KCNT2: variants seen among roughly 807,000 people sequenced by gnomAD.
KCNT2 encodes potassium channel subfamily T member 2.
Under a neutral mutation model 153.8 loss-of-function variants are expected in KCNT2, and 67 were observed. That is an observed-to-expected ratio of 0.44 (90% CI 0.36 to 0.53). KCNT2 has a LOEUF of 0.53. Ranked by LOEUF, KCNT2 falls within the 20% of genes least tolerant of loss-of-function variation. The pLI, the probability that KCNT2 is intolerant of heterozygous loss-of-function variation, is 0.00. For missense variants in KCNT2, 975 were observed against 1,354.8 expected, an observed-to-expected ratio of 0.72 and a Z score of 4.40; for synonymous variants, 500 against 458.8, an observed-to-expected ratio of 1.09 and a Z score of -1.15.
At chr1:196,515,307 C>T (rs1681957743) in intron 1 of KCNT2, among the ~76,000 whole-genome samples, 1 of 152,156 alleles carries the variant, frequency 6.6e-6, no homozygotes, top group African/African-American at 2.4e-5. Flanking sequence ...AGTCTTTCAA[C>T]TCCAGATATA....
At chr1:196,462,579 T>C (rs1167697995) in intron 8 of KCNT2, among the ~76,000 whole-genome samples, 1 of 151,634 alleles carries the variant, frequency 6.6e-6, no homozygotes. Flanking sequence ...TCATCTTTTA[T>C]AAAGAAGGCA....
chr1:196,412,125 A>G (rs1672390110), intron 12 of KCNT2, among the ~76,000 whole-genome samples: 1 of 151,772 alleles, frequency 6.6e-6, no homozygotes, highest in Non-Finnish European at 1.5e-5. Flanking sequence ...AATCTTAAAC[A>G]ATTTTTAATT....
intron 12 of KCNT2, among the ~76,000 whole-genome samples, chr1:196,401,467 A>G (rs533896438): frequency 6.6e-6 from 1 of 151,848 alleles, no homozygotes; most frequent in South Asian, 2.1e-4. Context: ...AATGAAAAAC[A>G]TGTTTGTAAT....
chr1:196,234,107 T>C (rs540392637), intron 27 of KCNT2, among the ~76,000 whole-genome samples: 89 of 151,526 alleles, frequency 5.9e-4, no homozygotes, highest in Admixed American at 2.6e-3. Context: ...AATGGCTACC[T>C]CAATTACCCT....
intron 25 of KCNT2, among the ~76,000 whole-genome samples, chr1:196,273,206 T>C (rs1206056679): frequency 6.6e-6 from 1 of 151,862 alleles, no homozygotes; most frequent in Non-Finnish European, 1.5e-5. Flanking sequence ...TCTTTCATTA[T>C]TAACTTTAAT....
intron 8 of KCNT2, 54 bp downstream of exon 8, chr1:196,465,239 T>C (rs1386930307): frequency 3.1e-6 from 3 of 965,106 alleles, no homozygotes; most frequent in African/African-American, 1.7e-5. Flanking sequence ...TGGTTTCCTT[T>C]AGAAATTATA....
At chr1:196,500,283 AGGGAGGGAGGGAGGG>A (rs1680586231) in intron 1 of KCNT2, among the ~76,000 whole-genome samples, 2 of 7,042 alleles carry the variant, frequency 2.8e-4, no homozygotes, top group African/African-American at 4.2e-4. Flanking sequence ...GAAGGAAGGG[AGGGAGGGAGGGAGGG>A]AGGGAGGGAG....
chr1:196,362,539 G>T (rs369625064), intron 14 of KCNT2, among the ~76,000 whole-genome samples: 1 of 151,948 alleles, frequency 6.6e-6, no homozygotes, highest in East Asian at 1.9e-4. Flanking sequence ...TGGGTTCAAG[G>T]CAGTAAGAGA....
intron 26 of KCNT2, among the ~76,000 whole-genome samples, chr1:196,238,152 C>A (rs1411110923): frequency 1.3e-5 from 2 of 151,868 alleles, no homozygotes; most frequent in Non-Finnish European, 2.9e-5. Context: ...CAGATAACTT[C>A]TCAGTCAATA....
At chr1:196,525,320 C>T (rs1264633617) in intron 1 of KCNT2, among the ~76,000 whole-genome samples, 1 of 152,030 alleles carries the variant, frequency 6.6e-6, no homozygotes, top group Non-Finnish European at 1.5e-5. Flanking sequence ...ATACTGTAAA[C>T]AAGTGTCTTT....
At chr1:196,240,919 T>C (rs970948622) in intron 26 of KCNT2, among the ~76,000 whole-genome samples, 1 of 151,984 alleles carries the variant, frequency 6.6e-6, no homozygotes, top group South Asian at 2.1e-4. Flanking sequence ...TCAGGACTAT[T>C]AGGTGGTCAT....
intron 26 of KCNT2, among the ~76,000 whole-genome samples, chr1:196,253,667 A>AT (rs1480826945): frequency 6.6e-6 from 1 of 151,488 alleles, no homozygotes; most frequent in Non-Finnish European, 1.5e-5. Context: ...ATTGTTTCAC[A>AT]TTTTTTGTAT....
At chr1:196,434,860 A>T (rs190631991) in intron 8 of KCNT2, among the ~76,000 whole-genome samples, 163 of 151,738 alleles carry the variant, frequency 1.1e-3, no homozygotes, top group African/African-American at 3.7e-3. Flanking sequence ...AGATGGTGGT[A>T]CAGTCTACTA....
At chr1:196,572,377 T>A (rs1172925570) in intron 1 of KCNT2, among the ~76,000 whole-genome samples, 1 of 152,020 alleles carries the variant, frequency 6.6e-6, no homozygotes, top group Non-Finnish European at 1.5e-5. Context: ...TGAGTGAGGA[T>A]CTCGCTCAGC....
At chr1:196,459,980 A>C (rs929094803) in intron 8 of KCNT2, among the ~76,000 whole-genome samples, 2 of 151,780 alleles carry the variant, frequency 1.3e-5, no homozygotes, top group African/African-American at 2.4e-5. Context: ...CCAGTGCCAT[A>C]GTTATTGTCT....
intron 1 of KCNT2, among the ~76,000 whole-genome samples, chr1:196,598,797 G>T (rs941826737): frequency 2.6e-5 from 4 of 152,110 alleles, no homozygotes; most frequent in Non-Finnish European, 5.9e-5. Flanking sequence ...CTCAGAATTG[G>T]TATAAAGATT....
At chr1:196,422,843 A>G (rs1053752081) in intron 12 of KCNT2, among the ~76,000 whole-genome samples, 2 of 152,024 alleles carry the variant, frequency 1.3e-5, no homozygotes, top group Non-Finnish European at 2.9e-5. Flanking sequence ...GAGAATATTC[A>G]TAGAAACTAT....
chr1:196,538,351 C>A (rs1572759840), intron 1 of KCNT2, among the ~76,000 whole-genome samples: 1 of 152,118 alleles, frequency 6.6e-6, no homozygotes, highest in Non-Finnish European at 1.5e-5. Flanking sequence ...GGATCCTCTT[C>A]ATGAAATTAA....
intron 8 of KCNT2, among the ~76,000 whole-genome samples, chr1:196,455,641 T>C (rs1676598694): frequency 1.3e-5 from 2 of 152,034 alleles, no homozygotes; most frequent in African/African-American, 4.8e-5. Flanking sequence ...GTGTGTTCTA[T>C]TTCCATGAGC....
Sources: allele counts gnomAD v4.1 joint callset (sites outside exome capture counted in the v4.1 genomes callset), GRCh38; gene constraint gnomAD v4.1.1; transcripts MANE v1.5; gene names NCBI Gene and HGNC (gene_info 2026-07-23, HGNC 2026-07-21).